CR1: variants seen among roughly 807,000 people sequenced by gnomAD.
CR1 encodes complement receptor type 1.
CR1 carries 116 observed loss-of-function variants against 187.3 expected under a neutral mutation model. That is an observed-to-expected ratio of 0.62 (90% CI 0.53 to 0.72). CR1 has a LOEUF of 0.72. CR1 is among the 30% of genes least tolerant of loss of function. The pLI is 0.00. For missense variants in CR1, 1,731 were observed against 2,110.7 expected (o/e 0.82, Z 3.52); for synonymous variants, 576 against 747.1 (o/e 0.77, Z 3.73).
At chr1:207,606,433 C>T (rs1345296454) in intron 35 of CR1, 1 of 152,188 alleles carries the variant, frequency 6.6e-6, no homozygotes, top group Non-Finnish European at 1.5e-5. Flanking sequence ...GTAGTCTTTG[C>T]TACAAATGGT....
At chr1:207,576,869 T>C (rs186416107) in intron 28 of CR1, among the ~76,000 whole-genome samples, 1 of 152,188 alleles carries the variant, frequency 6.6e-6, no homozygotes, top group African/African-American at 2.4e-5. Context: ...TCCAATACCA[T>C]AAAGGCAAAT....
rs599644 is a variant in CR1 at position 207,575,787 on chromosome 1, G to C, written c.4537+107G>C. ...TCCCTCTTGGAAATGGTATCCTTCT[G>C]ATATTTGAAGAATCTAGTCATATCC... On this transcript the variant is annotated intron_variant, in intron 28 of 46. Coordinates refer to ENST00000367049, the MANE Select transcript of CR1 (RefSeq NM_000651.6). 0.018 allele frequency: 27,150 copies of C among 1,540,030 alleles called. 3,836 individuals are homozygous for C. In the African/African-American group the frequency reaches 0.32, roughly 18 times the overall value.
intron 3 of CR1, chr1:207,507,366 C>T (rs556549422): frequency 6.6e-6 from 1 of 152,408 alleles, no homozygotes; most frequent in African/African-American, 2.4e-5. Flanking sequence ...CTTCTGGAGC[C>T]CCAGGCCTTC....
chr1:207,622,071 G>A, intron 44 of CR1, 75 bp downstream of exon 44: 2 of 1,213,472 alleles, frequency 1.6e-6, no homozygotes, highest in African/African-American at 1.5e-5. Context: ...TGAATGAAAT[G>A]TAAAAAGAGA....
chr1:207,520,405 C>A (rs1659939298), intron 4 of CR1, among the ~76,000 whole-genome samples: 1 of 152,230 alleles, frequency 6.6e-6, no homozygotes, highest in Non-Finnish European at 1.5e-5. Context: ...TGCCTGCTTT[C>A]TTTAAACTCA....
At position 207,580,581 on chromosome 1, in the gene CR1, T is replaced by C. The variant is rs941035559; in HGVS notation, c.5184T>C (p.Leu1728=). The change falls in exon 31 of 47, where the codon CTT becomes CTC. Residue 1728 remains leucine, a synonymous_variant. Coordinates refer to ENST00000367049, the MANE Select transcript of CR1 (RefSeq NM_000651.6). ...TGCTATTTCCACTTAATCTCCAGCT[T>C]GGGGCAAAGGTGTCCTTTGTCTGTG... ...GRVLFPLNLQ[L]GAKVSFVCDE... 6 of 1,613,464 alleles carry C rather than the reference T, an allele frequency of 3.7e-6. No individual in the cohort carries two copies. The highest frequency in any genetic ancestry group is 5.1e-6 in the Non-Finnish European group (6 of 1,179,792).
At chr1:207,589,455 G>T (rs1430338864) in intron 35 of CR1, among the ~76,000 whole-genome samples, 1 of 152,124 alleles carries the variant, frequency 6.6e-6, no homozygotes, top group Admixed American at 6.6e-5. Flanking sequence ...CCCATCCAAA[G>T]GTCACCAACA....
chr1:207,505,482 G>A (rs1244135017), intron 1 of CR1, among the ~76,000 whole-genome samples: 1 of 152,096 alleles, frequency 6.6e-6, no homozygotes, highest in Non-Finnish European at 1.5e-5. Context: ...TATTATTGAA[G>A]TGTTCTTTTT....
intron 3 of CR1, among the ~76,000 whole-genome samples, chr1:207,508,925 C>T (rs1316893309): frequency 6.6e-6 from 1 of 152,146 alleles, no homozygotes; most frequent in Non-Finnish European, 1.5e-5. Flanking sequence ...TAAGTGATAC[C>T]TTATGTCCTC....
chr1:207,589,260 C>A (rs906042498), intron 35 of CR1, among the ~76,000 whole-genome samples: 4 of 152,100 alleles, frequency 2.6e-5, no homozygotes, highest in Non-Finnish European at 2.9e-5. Flanking sequence ...CTTGACTTCT[C>A]CTTGGGACAA....
intron 29 of CR1, among the ~76,000 whole-genome samples, chr1:207,579,732 G>A (rs1208512189): frequency 1.3e-5 from 2 of 152,216 alleles, no homozygotes; most frequent in East Asian, 3.8e-4. Context: ...GACTCTGGGT[G>A]TGCTGCCTGT....
In CR1 at chr1:207,614,422, G is replaced by T; in HGVS notation, c.6594G>T (p.Arg2198Ser). 1.2e-6 allele frequency: 2 copies of T among 1,610,912 alleles called. No individual in the cohort carries two copies. Among genetic ancestry groups the T allele is most frequent in the South Asian group, 2.2e-5 (2 of 91,042 alleles). The change falls in exon 40 of 47, where the codon AGG (arginine) becomes AGT (serine). Residue 2198 changes from arginine to serine, a missense_variant. Physicochemically the swap from Arg to Ser is moderately radical, Grantham distance 110 (BLOSUM62 -1). Around this residue, in one of 5 missense-constraint regions of CR1, gnomAD observed 1,312 missense variants for 1,379.6 expected, o/e 0.95. Coordinates refer to ENST00000367049, the MANE Select transcript of CR1 (RefSeq NM_000651.6). ...VCDEGFRLKG[R>S]SASHCVLAGM... ...TCTTTAGGTTCCGATTAAAAGGCAG[G>T]TCTGCTAGTCATTGTGTCTTGGCTG...
Position 207,511,728 on chromosome 1 carries a change from A to G in CR1, c.487+74A>G, listed in dbSNP as rs573725284. On this transcript the variant is annotated intron_variant, in intron 4 of 46. Transcript: ENST00000367049. Reference sequence around the variant, plus strand: ...TTTCTCTGGAATAATAAAAATCTTAACTGAATTCCTTCTGTGCAATCTGTC... The same window carrying G: ...TTTCTCTGGAATAATAAAAATCTTAGCTGAATTCCTTCTGTGCAATCTGTC... The G allele has an allele frequency of 3.2e-5, 45 of 1,421,514 alleles. No homozygotes were observed. The South Asian group carries it at 4.9e-4, about 16-fold the overall frequency. 88.1% of individuals were successfully genotyped at this position (1,421,514 alleles called of 1,614,324 possible). A position where few individuals can be genotyped will look rare whatever the true frequency, so the allele number is the denominator to read the frequency against.
chr1:207,564,876 A>G (rs1465677469), intron 23 of CR1, among the ~76,000 whole-genome samples: 3 of 150,484 alleles, frequency 2.0e-5, no homozygotes, highest in African/African-American at 7.5e-5. Flanking sequence ...GCAAGTAATG[A>G]AAAGCTTATT....
At chr1:207,496,662 T>C (rs920999724) in intron 1 of CR1, among the ~76,000 whole-genome samples, 1 of 152,154 alleles carries the variant, frequency 6.6e-6, no homozygotes, top group Non-Finnish European at 1.5e-5. Context: ...GCTGAGCGGG[T>C]GCCGCACGAA....
intron 37 of CR1, among the ~76,000 whole-genome samples, chr1:207,610,115 C>G (rs945188245): frequency 1.3e-5 from 2 of 151,956 alleles, no homozygotes; most frequent in African/African-American, 4.8e-5. Context: ...GCCATGAGGA[C>G]CAAAATGAGA....
chr1:207,510,724 C>CCCTTCCTTCCTTCCTTCCTT (rs1044541628), intron 3 of CR1, among the ~76,000 whole-genome samples: 1 of 89,926 alleles, frequency 1.1e-5, no homozygotes, highest in African/African-American at 4.2e-5. Context: ...GTTATGTATC[C>CCCTTCCTTCCTTCCTTCCTT]CCTTCCTTCC....
intron 3 of CR1, among the ~76,000 whole-genome samples, chr1:207,509,643 T>C (rs1659555163): frequency 6.6e-6 from 1 of 152,132 alleles, no homozygotes; most frequent in Admixed American, 6.5e-5. Context: ...GGAAAAAAAA[T>C]GCCAACTTAA....
chr1:207,617,038 G>T (rs1032568486), intron 41 of CR1, among the ~76,000 whole-genome samples: 3 of 152,072 alleles, frequency 2.0e-5, no homozygotes, highest in African/African-American at 7.2e-5. Flanking sequence ...AAGGAGAGAA[G>T]GGGGTGGACA....
Sources: allele counts gnomAD v4.1 joint callset (sites outside exome capture counted in the v4.1 genomes callset), GRCh38; gene constraint gnomAD v4.1.1; regional missense constraint gnomAD v4.1.1; transcripts MANE v1.5; gene names NCBI Gene and HGNC (gene_info 2026-07-23, HGNC 2026-07-21).